Variants in ANKRD6 observed in about 807,000 individuals in gnomAD.
ANKRD6 encodes ankyrin repeat domain 6.
In ANKRD6, 56 loss-of-function variants were observed where a neutral mutation model predicts 82.3. The ratio of observed to expected loss-of-function variants is 0.68; its 90% CI spans 0.55 to 0.85. ANKRD6 has a LOEUF of 0.85. Among genes scored for constraint, ANKRD6 ranks in the 40% least tolerant of loss-of-function variants. The pLI is 0.00. For missense variants in ANKRD6, 852 were observed against 907.6 expected (o/e 0.94, Z 0.79); for synonymous variants, 347 against 352.1 (o/e 0.99, Z 0.16).
chr6:89,492,110 T>C (rs747437634), intron 1 of ANKRD6, among the ~76,000 whole-genome samples: 1 of 152,250 alleles, frequency 6.6e-6, no homozygotes, highest in Non-Finnish European at 1.5e-5. Context: ...ATCTTTCTTT[T>C]GTTATGGGGC....
intron 2 of ANKRD6, among the ~76,000 whole-genome samples, chr6:89,591,949 C>T (rs1361419070): frequency 3.3e-5 from 5 of 152,222 alleles, no homozygotes; most frequent in East Asian, 3.9e-4. Context: ...CAGGATGTCA[C>T]ACCTCCTTGC....
chr6:89,630,459 G>C lies in ANKRD6; in HGVS notation c.1639G>C (p.Gly547Arg). Residue 547 changes from glycine to arginine, a missense_variant, in exon 16 of 16, where the codon GGT becomes CGT. Coordinates refer to ENST00000339746, the MANE Select transcript of ANKRD6 (RefSeq NM_001242809.2). ...TGVDQLVVTAGPAAASDSSPP... is the reference protein window; with the variant it reads ...TGVDQLVVTARPAAASDSSPP... Reference sequence around the variant, plus strand: ...TGTGGACCAATTAGTGGTGACTGCAGGTCCAGCAGCAGCTTCCGACAGCTC... The same window carrying C: ...TGTGGACCAATTAGTGGTGACTGCACGTCCAGCAGCAGCTTCCGACAGCTC... 6.2e-7 allele frequency: 1 copy of C among 1,613,432 alleles called. No homozygotes were observed. Among genetic ancestry groups the C allele is most frequent in the Non-Finnish European group, 8.5e-7 (1 of 1,179,612 alleles).
At chr6:89,516,487 G>T (rs1220234567) in intron 1 of ANKRD6, among the ~76,000 whole-genome samples, 1 of 151,926 alleles carries the variant, frequency 6.6e-6, no homozygotes, top group Admixed American at 6.6e-5. Context: ...TTCCATTCTA[G>T]ATTTTTTTTA....
intron 2 of ANKRD6, among the ~76,000 whole-genome samples, chr6:89,587,404 G>A (rs558486410): frequency 3.3e-5 from 5 of 151,762 alleles, no homozygotes; most frequent in South Asian, 2.1e-4. Context: ...CAGGAGAATC[G>A]CTTGAACCCG....
chr6:89,630,303 A>G, intron 15 of ANKRD6, 130 bp from the exon 16 acceptor site: 3 of 1,082,058 alleles, frequency 2.8e-6, no homozygotes, highest in Non-Finnish European at 3.9e-6. Context: ...AGGAGACGTT[A>G]CACATGGTGG....
Position 89,541,705 on chromosome 6 carries a change from G to A in ANKRD6, c.-143-25129G>A, listed in dbSNP as rs887140264. On this transcript the variant is annotated intron_variant, in intron 1 of 15. Transcript: ENST00000339746. ...ACTTTTTAGATTTCTTTTTTACATTGTTCACTGTTGGCATATAGAAATACT... is the reference window on the plus strand; with the variant it reads ...ACTTTTTAGATTTCTTTTTTACATTATTCACTGTTGGCATATAGAAATACT... 2.0e-4 allele frequency among the ~76,000 whole-genome samples: 31 copies of A among 151,590 alleles called. 1 individual carries two copies. Among genetic ancestry groups the A allele is most frequent in the African/African-American group, 6.8e-4 (28 of 41,302 alleles).
chr6:89,623,790 G>A, intron 11 of ANKRD6, 82 bp from the exon 12 acceptor site: 2 of 1,440,952 alleles, frequency 1.4e-6, no homozygotes, highest in Admixed American at 2.3e-5. Context: ...TTGCCCAAAT[G>A]GGGTGACATG....
chr6:89,601,733 C>T (rs1288075609), intron 3 of ANKRD6: 2 of 152,136 alleles, frequency 1.3e-5, no homozygotes, highest in Non-Finnish European at 2.9e-5. Context: ...TCACCACCAT[C>T]TATCTTTAGA....
intron 1 of ANKRD6, among the ~76,000 whole-genome samples, chr6:89,451,038 T>C (rs1772747163): frequency 6.6e-6 from 1 of 152,204 alleles, no homozygotes; most frequent in Non-Finnish European, 1.5e-5. Flanking sequence ...CCGGGTGCCA[T>C]GGCTAACGCC....
At chr6:89,520,492 TATGGTCTTATCAAA>T (rs1256713494) in intron 1 of ANKRD6, among the ~76,000 whole-genome samples, 1 of 152,238 alleles carries the variant, frequency 6.6e-6, no homozygotes, top group Non-Finnish European at 1.5e-5. Flanking sequence ...GATAGGGGCC[TATGGTCTTATCAAA>T]ATGGTCTTCT....
chr6:89,558,466 G>A (rs183288211), intron 1 of ANKRD6, among the ~76,000 whole-genome samples: 1 of 152,260 alleles, frequency 6.6e-6, no homozygotes, highest in African/African-American at 2.4e-5. Context: ...AAATAAGCCG[G>A]TCTGAAAAGG....
In ANKRD6 at chr6:89,595,922, C is replaced by T. The variant is rs143132909; in HGVS notation, c.127C>T (p.Arg43Trp). ...GTTCATTTTGCATTCACAGCATGGCCGGACTCCCCTGCATCTTGCTGCCAA... is the reference window on the plus strand; with the variant it reads ...GTTCATTTTGCATTCACAGCATGGCTGGACTCCCCTGCATCTTGCTGCCAA... ...GARVAVTKHG[R>W]TPLHLAANKG... The change falls in exon 3 of 16, where the codon CGG (arginine) becomes TGG (tryptophan). Residue 43 changes from arginine to tryptophan, a missense_variant. Coordinates refer to ENST00000339746, the MANE Select transcript of ANKRD6 (RefSeq NM_001242809.2). 1.7e-4 allele frequency: 278 copies of T among 1,607,026 alleles called. No homozygotes were observed. Among genetic ancestry groups the T allele is most frequent in the Non-Finnish European group, 2.3e-4 (268 of 1,176,764 alleles).
intron 2 of ANKRD6, among the ~76,000 whole-genome samples, chr6:89,583,569 T>C (rs968009790): frequency 3.2e-4 from 48 of 152,116 alleles, no homozygotes; most frequent in African/African-American, 1.2e-3. Context: ...TTGAGTGGGA[T>C]AATGGAAGAA....
At chr6:89,441,400 G>A (rs1771357971) in intron 1 of ANKRD6, among the ~76,000 whole-genome samples, 1 of 152,146 alleles carries the variant, frequency 6.6e-6, no homozygotes, top group African/African-American at 2.4e-5. Context: ...TGATCTGCCT[G>A]CCTCGGCCTC....
chr6:89,541,801 T>C (rs757734995), intron 1 of ANKRD6, among the ~76,000 whole-genome samples: 10 of 151,596 alleles, frequency 6.6e-5, no homozygotes, highest in Non-Finnish European at 1.5e-4. Context: ...CATAGAGATA[T>C]ATATATATAG....
chr6:89,629,112 A>T lies in ANKRD6; in HGVS notation c.1486A>T (p.Ile496Leu). The T allele has an allele frequency of 6.2e-7, 1 of 1,607,708 alleles. No individual in the cohort carries two copies. Among genetic ancestry groups the T allele is most frequent in the Non-Finnish European group, 8.5e-7 (1 of 1,178,360 alleles). ...TEKHEGEKRQ[I>L]SLVDELKTWC... The stretch of plus-strand genomic sequence containing the variant: ...TGTGGGGTTTGTTTTTTTTTTTAAG[A>T]TATCCTTGGTGGATGAATTAAAAAC... Residue 496 changes from isoleucine to leucine, a missense_variant and splice_region_variant, in exon 15 of 16, where the codon ATA (isoleucine) becomes TTA (leucine). Transcript: ENST00000339746.
chr6:89,478,607 A>G (rs1415048919), intron 1 of ANKRD6, among the ~76,000 whole-genome samples: 2 of 148,940 alleles, frequency 1.3e-5, no homozygotes, highest in African/African-American at 2.5e-5. Context: ...GGTGGTGTGC[A>G]CCTGTAATCC....
At chr6:89,575,216 G>A (rs1790840661) in intron 2 of ANKRD6, among the ~76,000 whole-genome samples, 1 of 152,174 alleles carries the variant, frequency 6.6e-6, no homozygotes, top group Admixed American at 6.5e-5. Context: ...CGCAGAAAGG[G>A]GAGGAGGGGA....
chr6:89,471,080 A>G (rs1202238), intron 1 of ANKRD6, among the ~76,000 whole-genome samples: 22,484 of 152,080 alleles, frequency 0.15, 2,139 homozygotes, highest in East Asian at 0.41. Context: ...TTTTCCTTCA[A>G]TTAGACTGAA....
Sources: gnomAD v4.1 joint callset for allele counts (sites outside exome capture counted in the v4.1 genomes callset) on GRCh38, gnomAD v4.1.1 for gene constraint, MANE v1.5 for transcripts, NCBI Gene and HGNC (gene_info 2026-07-23, HGNC 2026-07-21) for gene names.